The following PCBP4 variants were observed in gnomAD, a reference collection of about 807,000 sequenced individuals.
PCBP4 encodes poly(rC) binding protein 4.
In PCBP4, 24 loss-of-function variants were observed where a neutral mutation model predicts 46.2. The observed-to-expected ratio is 0.52, with a 90% CI of 0.38 to 0.73. The LOEUF (loss-of-function observed/expected upper bound fraction) is 0.73, where lower values mean the gene tolerates loss of function less well. Ranked by LOEUF, PCBP4 falls within the 30% of genes least tolerant of loss-of-function variation. The pLI, the probability that PCBP4 is intolerant of heterozygous loss-of-function variation, is 0.00. For missense variants in PCBP4, 407 were observed against 537.0 expected (o/e 0.76, Z 2.39); for synonymous variants, 203 against 224.4 (o/e 0.90, Z 0.85).
rs139747729 is a variant in PCBP4 at position 51,963,414 on chromosome 3, C to A, written c.-212-1326G>T. Among the ~76,000 whole-genome samples, 163 of 152,298 alleles carry A rather than the reference C, an allele frequency of 1.1e-3. 2 individuals carry two copies. In the South Asian group the frequency reaches 0.027, roughly 25 times the overall value. On this transcript the variant is annotated intron_variant, in intron 1 of 13. Transcript: ENST00000461554. ...GATTGGGCTTCAGTCGTCTCTGAGA[C>A]CTTTGCCTAGCTAGAAGACAGGGAT...
intron 1 of PCBP4, among the ~76,000 whole-genome samples, chr3:51,966,723 G>A (rs1206030567): frequency 6.6e-6 from 1 of 152,066 alleles, no homozygotes; most frequent in Non-Finnish European, 1.5e-5. Context: ...CCAGGGATAG[G>A]GGAGAGAGGA....
Position 51,959,881 on chromosome 3 carries a change from C to T in PCBP4, c.516+14G>A. 1 of 1,574,496 alleles carries T rather than the reference C, an allele frequency of 6.4e-7. No individual in the cohort carries two copies. On this transcript the variant is annotated intron_variant, in intron 8 of 13. Coordinates refer to ENST00000461554, the MANE Select transcript of PCBP4 (RefSeq NM_001174100.2). The surrounding 1 kb of genome is among the most constrained non-coding windows in gnomAD (Gnocchi z 5.6). The stretch of plus-strand genomic sequence containing the variant: ...CCATCTCCTGCCCCCTCTCTCCCTG[C>T]CCCAGGGCAGCACCTCCAGGATAAC...
At chr3:51,962,651 A>G (rs905504531) in intron 1 of PCBP4, among the ~76,000 whole-genome samples, 2 of 152,156 alleles carry the variant, frequency 1.3e-5, no homozygotes, top group African/African-American at 2.4e-5. Flanking sequence ...CCCCATCCCA[A>G]CATGACAGGA....
At chr3:51,962,114 C>A (rs1700208765) in intron 1 of PCBP4, 26 bp from the exon 2 acceptor site, 1 of 152,120 alleles carries the variant, frequency 6.6e-6, no homozygotes, top group Non-Finnish European at 1.5e-5. Flanking sequence ...TAAGAAGTGT[C>A]CAGGCTGGCC....
In PCBP4 at chr3:51,957,925, G is replaced by T; in HGVS notation, c.*136C>A. ...GAAAGAACTCCCATAGATGGAGGCA[G>T]GGTAGGGGGTGCATCCATGCGTCTG... On this transcript the variant is annotated 3_prime_UTR_variant, in exon 14 of 14. Coordinates refer to ENST00000461554, the MANE Select transcript of PCBP4 (RefSeq NM_001174100.2). The T allele has an allele frequency of 1.3e-6, 1 of 778,676 alleles. No individual in the cohort carries two copies. The allele number at this position is 778,676 out of a possible 1,614,324, so 48.2% of individuals were successfully genotyped here.
Position 51,960,096 on chromosome 3 carries a change from C to T in PCBP4, c.388-73G>A. 6.2e-7 allele frequency: 1 copy of T among 1,614,162 alleles called. No homozygotes were observed. The highest frequency in any genetic ancestry group is 8.5e-7 in the Non-Finnish European group (1 of 1,179,968). ...AAAAGGGCTGCCCAGGCTCAGAGCT[C>T]TCTAGGTGGGGAGGACGCCATAAGC... On this transcript the variant is annotated intron_variant, in intron 7 of 13. Coordinates refer to ENST00000461554, the MANE Select transcript of PCBP4 (RefSeq NM_001174100.2). This position sits in a 1 kb window ranked among gnomAD's most constrained non-coding sequence, Gnocchi z 5.0.
intron 1 of PCBP4, among the ~76,000 whole-genome samples, chr3:51,966,771 G>A (rs1308101153): frequency 6.6e-6 from 1 of 152,038 alleles, no homozygotes; most frequent in Non-Finnish European, 1.5e-5. Flanking sequence ...CAGGCATGAG[G>A]GCCAGGCTGA....
chr3:51,964,638 G>C (rs1028438678), intron 1 of PCBP4, among the ~76,000 whole-genome samples: 2 of 152,218 alleles, frequency 1.3e-5, no homozygotes, highest in African/African-American at 4.8e-5. Flanking sequence ...CATCCAGGGA[G>C]GCAGGGTGTG....
At chr3:51,965,397 A>G (rs767000948) in intron 1 of PCBP4, among the ~76,000 whole-genome samples, 3 of 151,432 alleles carry the variant, frequency 2.0e-5, no homozygotes, top group Non-Finnish European at 4.4e-5. Context: ...CATCCTCCCC[A>G]CTCTCTGTCA....
chr3:51,959,427 G>A lies in PCBP4; in HGVS notation c.592-16C>T, dbSNP rs780205025. 2.5e-6 allele frequency: 4 copies of A among 1,596,878 alleles called. No individual in the cohort carries two copies. Among genetic ancestry groups the A allele is most frequent in the African/African-American group, 2.7e-5 (2 of 74,546 alleles). The stretch of plus-strand genomic sequence containing the variant: ...CAGAGAAGCCCTGTGGGGACAAAGT[G>A]GATGAAAAGGGGGTTACTGTGACAT... On this transcript the variant is annotated splice_polypyrimidine_tract_variant and intron_variant, in intron 9 of 13. Coordinates refer to ENST00000461554, the MANE Select transcript of PCBP4 (RefSeq NM_001174100.2). This position sits in a 1 kb window ranked among gnomAD's most constrained non-coding sequence, Gnocchi z 5.6.
At position 51,958,229 on chromosome 3, in the gene PCBP4, T is replaced by G. The variant is rs1356050360; in HGVS notation, c.1044A>C (p.Thr348=). 8.1e-6 allele frequency: 13 copies of G among 1,609,600 alleles called. No homozygotes were observed. In the South Asian group the frequency reaches 9.9e-5, roughly 12 times the overall value. Residue 348 remains threonine, a synonymous_variant, in exon 14 of 14, where the codon ACA becomes ACC. Coordinates refer to ENST00000461554, the MANE Select transcript of PCBP4 (RefSeq NM_001174100.2). This position sits in a 1 kb window ranked among gnomAD's most constrained non-coding sequence, Gnocchi z 5.4. ...LPTAPPGLLG[T]PYAISLSNFI... ...AGTTGGAGAGGGAGATGGCATAGGG[T>G]GTGCCCAGCAGGCCAGGGGGAGCTG...
At chr3:51,964,299 G>A (rs1470616584) in intron 1 of PCBP4, among the ~76,000 whole-genome samples, 3 of 152,180 alleles carry the variant, frequency 2.0e-5, no homozygotes, top group Non-Finnish European at 2.9e-5. Context: ...AAAGGGCTGG[G>A]GGCTTAGCCA....
intron 1 of PCBP4, among the ~76,000 whole-genome samples, chr3:51,966,535 C>A (rs771750895): frequency 6.6e-6 from 1 of 152,044 alleles, no homozygotes; most frequent in Admixed American, 6.5e-5. Flanking sequence ...GCCTTTGTGG[C>A]GGAAGGCAAG....
Position 51,961,971 on chromosome 3 carries a change from G to C in PCBP4, c.-95C>G, listed in dbSNP as rs1365458112. On this transcript the variant is annotated 5_prime_UTR_variant, in exon 2 of 14. Transcript: ENST00000461554. ...GTCACTAGGGCAGAAGCTCACTACA[G>C]ACACCTCTGGGCAGGGTTCATTCAG... 2.0e-5 allele frequency: 3 copies of C among 152,832 alleles called. No individual in the cohort carries two copies. Among genetic ancestry groups the C allele is most frequent in the African/African-American group, 4.8e-5 (2 of 41,440 alleles). The allele number at this position is 152,832 out of a possible 1,614,324, so 9.5% of individuals were successfully genotyped here.
chr3:51,961,217 CAGTCCCCCGTCCG>C lies in PCBP4; in HGVS notation c.11_23del (p.Ser4TrpfsTer16), dbSNP rs1437967320. 1.2e-6 allele frequency: 2 copies of C among 1,612,952 alleles called. No individual in the cohort carries two copies. The highest frequency in any genetic ancestry group is 2.2e-5 in the South Asian group (2 of 91,080). ...TGATGCTGAGCTCTGGCTCCTCCTC[CAGTCCCCCGTCCG>C]AGCCGCTCATTCTGTCAGGCGAGGC... On this transcript the variant is annotated frameshift_variant, in exon 3 of 14. Transcript: ENST00000461554. LOFTEE classifies it high-confidence loss of function.
rs757086455 is a variant in PCBP4 at position 51,959,260 on chromosome 3, C to T, written c.669G>A (p.Ala223=). The T allele has an allele frequency of 5.6e-6, 9 of 1,613,782 alleles. No homozygotes were observed. The highest frequency in any genetic ancestry group is 1.7e-4 in the Middle Eastern group (1 of 5,990). Residue 223 remains alanine, a synonymous_variant, in exon 11 of 14, where the codon GCG becomes GCA. Coordinates refer to ENST00000461554, the MANE Select transcript of PCBP4 (RefSeq NM_001174100.2). The surrounding 1 kb of genome is among the most constrained non-coding windows in gnomAD (Gnocchi z 5.6). ...CCACGCTGGGTGTGGCAAAGGGGAC[C>T]GCATGGCTTGAGAGCTGCTGGAGCT... ...VTKLQQLSSH[A]VPFATPSVVP...
chr3:51,957,599 C>T lies in PCBP4; in HGVS notation c.*462G>A, dbSNP rs11924827. On this transcript the variant is annotated 3_prime_UTR_variant, in exon 14 of 14. Transcript: ENST00000461554. ...TCTTTGGGGTGCCCCCTGACAAGCC[C>T]AGCCAGTTCATTCCAGTCAAAAGGG... 5,968 of 154,624 alleles carry T rather than the reference C, an allele frequency of 0.039. 117 individuals are homozygous for T. The highest frequency in any genetic ancestry group is 0.1 in the Middle Eastern group (31 of 302). The allele number at this position is 154,624 out of a possible 1,614,324, so 9.6% of individuals were successfully genotyped here. A position where few individuals can be genotyped will look rare whatever the true frequency, so the allele number is the denominator to read the frequency against.
rs1700019325 is a variant in PCBP4, at chr3:51,959,276, T to C, written c.653A>G (p.Gln218Arg). The part of the protein sequence containing the change: ...VTPAEVTKLQ[Q>R]LSSHAVPFAT... ...AAAGGGGACCGCATGGCTTGAGAGC[T>C]GCTGGAGCTTGGTGACCTGTGCCAA... The change falls in exon 11 of 14, where the codon CAG becomes CGG. Residue 218 changes from glutamine (Q) to arginine (R), a missense_variant. Gln to Arg is a conservative substitution (Grantham distance 43). Coordinates refer to ENST00000461554, the MANE Select transcript of PCBP4 (RefSeq NM_001174100.2). The surrounding 1 kb of genome is among the most constrained non-coding windows in gnomAD (Gnocchi z 5.6). 6.2e-7 allele frequency: 1 copy of C among 1,613,966 alleles called. No homozygotes were observed.
chr3:51,961,179 C>T lies in PCBP4; in HGVS notation c.62G>A (p.Arg21Gln), dbSNP rs1241345784. The change falls in exon 3 of 14, where the codon CGG (arginine) becomes CAG (glutamine). Residue 21 changes from arginine (R) to glutamine (Q), a missense_variant. Coordinates refer to ENST00000461554, the MANE Select transcript of PCBP4 (RefSeq NM_001174100.2). ...EPELSITLTL[R>Q]MLMHGKEVGS... ...GCTCACCTTCCCGTGCATCAGCATC[C>T]GCAGCGTGAGGGTGATGCTGAGCTC... The T allele has an allele frequency of 7.4e-6, 12 of 1,613,686 alleles. No individual in the cohort carries two copies. The highest frequency in any genetic ancestry group is 1.0e-5 in the Non-Finnish European group (12 of 1,180,018).
Sources: gnomAD v4.1 joint callset for allele counts (sites outside exome capture counted in the v4.1 genomes callset) on GRCh38, gnomAD v4.1.1 for gene constraint, Gnocchi (gnomAD v3.1) non-coding constraint, MANE v1.5 for transcripts, NCBI Gene and HGNC (gene_info 2026-07-23, HGNC 2026-07-21) for gene names.